Variants in LRBA observed in about 807,000 individuals in gnomAD.
LRBA encodes lipopolysaccharide-responsive and beige-like anchor protein.
A neutral mutation model predicts 330.0 loss-of-function variants in LRBA; 176 were observed. The ratio of observed to expected loss-of-function variants is 0.53; its 90% CI spans 0.47 to 0.60. The LOEUF (loss-of-function observed/expected upper bound fraction) is 0.60. Among genes scored for constraint, LRBA ranks in the 20% least tolerant of loss-of-function variants. The pLI, the probability that LRBA is intolerant of heterozygous loss-of-function variation, is 0.00. For missense variants in LRBA, 3,259 were observed against 3,444.8 expected (o/e 0.95, Z 1.35); for synonymous variants, 1,230 against 1,193.0 (o/e 1.03, Z -0.64).
chr4:151,008,211 G>A (rs1233227889), intron 2 of LRBA, among the ~76,000 whole-genome samples: 1 of 151,832 alleles, frequency 6.6e-6, no homozygotes, highest in Non-Finnish European at 1.5e-5. Flanking sequence ...CTCCCAAGCA[G>A]CTGGGATTAC....
At chr4:150,681,836 T>C (rs1311071015) in intron 37 of LRBA, among the ~76,000 whole-genome samples, 1 of 152,190 alleles carries the variant, frequency 6.6e-6, no homozygotes, top group Non-Finnish European at 1.5e-5. Context: ...ATAGAGTTGA[T>C]ACCTTAGAAC....
intron 46 of LRBA, among the ~76,000 whole-genome samples, chr4:150,424,507 G>C (rs1453050281): frequency 6.6e-6 from 1 of 152,220 alleles, no homozygotes; most frequent in African/African-American, 2.4e-5. Flanking sequence ...TTCCACTTCA[G>C]GGTTGCAGGT....
chr4:150,710,097 A>G (rs1036560976), intron 36 of LRBA, among the ~76,000 whole-genome samples: 2 of 152,110 alleles, frequency 1.3e-5, no homozygotes, highest in African/African-American at 4.8e-5. Flanking sequence ...TGGGGAAGAA[A>G]AATAAGACAA....
chr4:150,697,706 C>A (rs1449869660), intron 36 of LRBA, among the ~76,000 whole-genome samples: 1 of 152,008 alleles, frequency 6.6e-6, no homozygotes, highest in African/African-American at 2.4e-5. Context: ...GTTATAATTT[C>A]TTTAATTCAT....
intron 2 of LRBA, among the ~76,000 whole-genome samples, chr4:150,997,104 C>T (rs1164535774): frequency 6.6e-6 from 1 of 152,024 alleles, no homozygotes; most frequent in Non-Finnish European, 1.5e-5. Flanking sequence ...GTCTTTCCTT[C>T]TGAAGCACCA....
chr4:150,556,787 G>A (rs1767373793), intron 40 of LRBA, among the ~76,000 whole-genome samples: 1 of 152,124 alleles, frequency 6.6e-6, no homozygotes, highest in Non-Finnish European at 1.5e-5. Flanking sequence ...CAAATGTTGT[G>A]GTGTATAAAT....
chr4:150,917,829 T>C (rs952981973), intron 5 of LRBA, among the ~76,000 whole-genome samples: 3 of 151,568 alleles, frequency 2.0e-5, no homozygotes, highest in African/African-American at 7.3e-5. Flanking sequence ...CTCAGGAGGG[T>C]GAGGCAGGAG....
intron 22 of LRBA, among the ~76,000 whole-genome samples, chr4:150,859,757 A>C (rs936312362): frequency 1.3e-5 from 2 of 152,228 alleles, no homozygotes; most frequent in African/African-American, 2.4e-5. Context: ...ATCCTGATGT[A>C]ACTCTGCAAA....
chr4:150,509,676 T>A (rs1261745552), intron 40 of LRBA, among the ~76,000 whole-genome samples: 1 of 151,548 alleles, frequency 6.6e-6, no homozygotes, highest in Non-Finnish European at 1.5e-5. Flanking sequence ...GACCAGAGAT[T>A]AGGGAAAAAA....
At chr4:150,618,104 C>G (rs1441358337) in intron 37 of LRBA, among the ~76,000 whole-genome samples, 1 of 151,952 alleles carries the variant, frequency 6.6e-6, no homozygotes, top group Non-Finnish European at 1.5e-5. Context: ...GAGCAAGATC[C>G]TGTCTCAAAC....
chr4:150,648,987 T>C (rs1306993734), intron 37 of LRBA, among the ~76,000 whole-genome samples: 1 of 152,160 alleles, frequency 6.6e-6, no homozygotes, highest in Middle Eastern at 3.2e-3. Context: ...AGTTCTATGA[T>C]AACCAGTACC....
rs1003578005 is a variant in LRBA at position 150,963,476 on chromosome 4, T to C, written c.217-34411A>G. Among the ~76,000 whole-genome samples, 3 of 149,564 alleles carry C rather than the reference T, an allele frequency of 2.0e-5. 1 individual carries two copies. The highest frequency in any genetic ancestry group is 7.7e-5 in the African/African-American group (3 of 38,902). On this transcript the variant is annotated intron_variant, in intron 2 of 56. Transcript: ENST00000651943. The stretch of plus-strand genomic sequence containing the variant: ...TGCCGGGATTGCAGACAGAGTCTCG[T>C]TCACTCAGTGCTCAATGGTGCCCAG...
intron 56 of LRBA, among the ~76,000 whole-genome samples, chr4:150,272,219 A>G (rs1405595171): frequency 2.6e-5 from 4 of 152,200 alleles, no homozygotes; most frequent in African/African-American, 9.6e-5. Flanking sequence ...ACTCCAGCAG[A>G]GCTGCAGCTG....
At chr4:150,696,949 G>A (rs1209848354) in intron 36 of LRBA, among the ~76,000 whole-genome samples, 1 of 151,444 alleles carries the variant, frequency 6.6e-6, no homozygotes, top group Non-Finnish European at 1.5e-5. Context: ...AGGAAGTTGA[G>A]GCTGTACTGA....
At chr4:150,910,969 T>C (rs1333245977) in intron 9 of LRBA, among the ~76,000 whole-genome samples, 2 of 152,196 alleles carry the variant, frequency 1.3e-5, no homozygotes, top group African/African-American at 4.8e-5. Flanking sequence ...ATTGTTTGCG[T>C]AATTTTCAAA....
intron 2 of LRBA, chr4:151,013,344 G>C (rs1234947553): frequency 6.6e-6 from 1 of 152,116 alleles, no homozygotes; most frequent in Non-Finnish European, 1.5e-5. Context: ...AGAGAGGCTG[G>C]AATAAAGAAA....
At chr4:150,622,279 G>A (rs765012285) in intron 37 of LRBA, among the ~76,000 whole-genome samples, 1 of 152,202 alleles carries the variant, frequency 6.6e-6, no homozygotes, top group Non-Finnish European at 1.5e-5. Context: ...GACAGATCAT[G>A]TGTAACTCCA....
chr4:150,938,704 A>AT (rs1426479485), intron 2 of LRBA, among the ~76,000 whole-genome samples: 1 of 152,160 alleles, frequency 6.6e-6, no homozygotes, highest in Non-Finnish European at 1.5e-5. Context: ...CCATCCTGGA[A>AT]TTGAAGGTGT....
intron 40 of LRBA, among the ~76,000 whole-genome samples, chr4:150,557,169 A>C (rs963567230): frequency 1.3e-5 from 2 of 152,186 alleles, no homozygotes; most frequent in African/African-American, 4.8e-5. Context: ...AAGTAAAAAA[A>C]ACATAAGAAC....
Sources: gnomAD v4.1 joint callset for allele counts (sites outside exome capture counted in the v4.1 genomes callset) on GRCh38, gnomAD v4.1.1 for gene constraint, MANE v1.5 for transcripts, NCBI Gene and HGNC (gene_info 2026-07-23, HGNC 2026-07-21) for gene names.